The following MYO16 variants were observed in gnomAD, a reference collection of about 807,000 sequenced individuals.
MYO16 encodes unconventional myosin-XVI.
In MYO16, 94 loss-of-function variants were observed where a neutral mutation model predicts 205.3. The ratio of observed to expected loss-of-function variants is 0.46; its 90% CI spans 0.39 to 0.54. The LOEUF is 0.54. Ranked by LOEUF, MYO16 falls within the 20% of genes least tolerant of loss-of-function variation. MYO16 has a pLI of 0.00. For missense variants in MYO16, 2,315 were observed against 2,387.5 expected (o/e 0.97, Z 0.63); for synonymous variants, 988 against 954.0 (o/e 1.04, Z -0.66).
chr13:108,798,720 A>C (rs1886874678), intron 6 of MYO16, among the ~76,000 whole-genome samples: 1 of 52,452 alleles, frequency 1.9e-5, no homozygotes, highest in Non-Finnish European at 3.3e-5. Flanking sequence ...TTTTTTTGAG[A>C]TGGAGTCTCG....
chr13:109,180,122 T>C (rs1044964227), intron 34 of MYO16, among the ~76,000 whole-genome samples: 2 of 152,148 alleles, frequency 1.3e-5, no homozygotes, highest in Non-Finnish European at 2.9e-5. Context: ...GATGAGAACA[T>C]GGTAAAATCA....
intron 16 of MYO16, among the ~76,000 whole-genome samples, chr13:108,923,141 G>C (rs1881821479): frequency 6.6e-6 from 1 of 152,176 alleles, no homozygotes; most frequent in Non-Finnish European, 1.5e-5. Context: ...AAAAGGACAG[G>C]AGCACCTAGA....
chr13:108,986,622 CAAAAAAAAAA>C (rs11350100), intron 20 of MYO16, among the ~76,000 whole-genome samples: 70 of 69,532 alleles, frequency 1.0e-3, no homozygotes, highest in Non-Finnish European at 8.0e-4. Context: ...AACTCCGTCT[CAAAAAAAAAA>C]AAAAAAAAAA....
chr13:108,987,363 A>G (rs1342450514), intron 20 of MYO16, among the ~76,000 whole-genome samples: 2 of 152,208 alleles, frequency 1.3e-5, no homozygotes, highest in Non-Finnish European at 2.9e-5. Flanking sequence ...AAAGTATGCA[A>G]TCCTAGAGTC....
At chr13:109,003,164 A>C (rs1885272646) in intron 21 of MYO16, among the ~76,000 whole-genome samples, 1 of 152,196 alleles carries the variant, frequency 6.6e-6, no homozygotes, top group Non-Finnish European at 1.5e-5. Context: ...ACCACTCCAC[A>C]TCACTCTCCA....
At chr13:108,664,045 T>G (rs1254621250) in intron 1 of MYO16, among the ~76,000 whole-genome samples, 2 of 152,206 alleles carry the variant, frequency 1.3e-5, no homozygotes, top group Non-Finnish European at 2.9e-5. Flanking sequence ...ATCAAATAAG[T>G]GTACTCCAGA....
chr13:108,700,421 T>C (rs1049466742), intron 2 of MYO16, among the ~76,000 whole-genome samples: 11 of 151,924 alleles, frequency 7.2e-5, no homozygotes, highest in African/African-American at 2.2e-4. Flanking sequence ...CAGTGTTTTG[T>C]GGTCCTTTGA....
intron 17 of MYO16, among the ~76,000 whole-genome samples, chr13:108,961,178 G>A (rs779151258): frequency 6.6e-6 from 1 of 152,148 alleles, no homozygotes; most frequent in Admixed American, 6.5e-5. Flanking sequence ...AGGAGGGGGA[G>A]TGAAGTCTAA....
chr13:109,161,877 T>C (rs973491071), intron 32 of MYO16, among the ~76,000 whole-genome samples: 44 of 152,094 alleles, frequency 2.9e-4, no homozygotes, highest in Admixed American at 6.5e-5. Context: ...GGCAGATCAC[T>C]TGAAGTTTGA....
chr13:108,940,171 A>G (rs901734597), intron 16 of MYO16, among the ~76,000 whole-genome samples: 13 of 152,216 alleles, frequency 8.5e-5, no homozygotes, highest in African/African-American at 2.9e-4. Context: ...AGAACAGCAG[A>G]GAACACTTAG....
In MYO16 at chr13:109,127,685, A is replaced by C; in HGVS notation, c.4051+135A>C. 1 of 847,212 alleles carries C rather than the reference A, an allele frequency of 1.2e-6. No homozygotes were observed. The highest frequency in any genetic ancestry group is 2.7e-5 in the East Asian group (1 of 37,138). 52.5% of individuals were successfully genotyped at this position (847,212 alleles called of 1,614,324 possible). A position where few individuals can be genotyped will look rare whatever the true frequency, so the allele number is the denominator to read the frequency against. ...TAAATCCAATTGTTGGCTTGCCAGC[A>C]GCTCTTAATCATTAAATATAAATAA... On this transcript the variant is annotated intron_variant, in intron 31 of 34. Transcript: ENST00000457511. This position sits in a 1 kb window ranked among gnomAD's most constrained non-coding sequence, Gnocchi z 4.2.
intron 2 of MYO16, among the ~76,000 whole-genome samples, chr13:108,671,643 A>G (rs561317393): frequency 6.6e-6 from 1 of 152,328 alleles, no homozygotes; most frequent in African/African-American, 2.4e-5. Context: ...ATTTGGCTCT[A>G]GAGGGTGTCT....
intron 4 of MYO16, among the ~76,000 whole-genome samples, chr13:108,752,221 T>C (rs1210039195): frequency 1.3e-5 from 2 of 152,294 alleles, no homozygotes; most frequent in African/African-American, 4.8e-5. Context: ...TAATTTTATG[T>C]TTCAGGAGAC....
intron 16 of MYO16, among the ~76,000 whole-genome samples, chr13:108,917,901 A>AT (rs1172050531): frequency 6.6e-6 from 1 of 152,176 alleles, no homozygotes; most frequent in Non-Finnish European, 1.5e-5. Context: ...CTTCTCATAG[A>AT]TTTTCTCTTT....
At chr13:108,857,465 G>A (rs1262291093) in intron 11 of MYO16, among the ~76,000 whole-genome samples, 2 of 152,190 alleles carry the variant, frequency 1.3e-5, no homozygotes, top group Non-Finnish European at 2.9e-5. Flanking sequence ...ATGCAGAAGA[G>A]GAGGGTGTTG....
chr13:108,876,319 C>G (rs572682292), intron 12 of MYO16, among the ~76,000 whole-genome samples: 407 of 151,578 alleles, frequency 2.7e-3, no homozygotes, highest in Non-Finnish European at 4.3e-3. Flanking sequence ...TTTTTTTTCA[C>G]ATGTACTTTT....
At position 108,806,893 on chromosome 13, in the gene MYO16, G is replaced by T. The variant is rs867501701; in HGVS notation, c.867+89G>T. 236 of 982,762 alleles carry T rather than the reference G, an allele frequency of 2.4e-4. 3 individuals carry two copies. The highest frequency in any genetic ancestry group is 1.9e-3 in the Middle Eastern group (5 of 2,598). The allele number at this position is 982,762 out of a possible 1,614,324, so 60.9% of individuals were successfully genotyped here. A position where few individuals can be genotyped will look rare whatever the true frequency, so the allele number is the denominator to read the frequency against. Reference sequence around the variant, plus strand: ...CAATTTTGATTTGATTTTAAATTACGTACTAATCATTATTGTAATTTGACT... The same window carrying T: ...CAATTTTGATTTGATTTTAAATTACTTACTAATCATTATTGTAATTTGACT... On this transcript the variant is annotated intron_variant, in intron 7 of 34. Coordinates refer to ENST00000457511, the MANE Select transcript of MYO16 (RefSeq NM_001198950.3).
the MYO16 span, among the ~76,000 whole-genome samples, chr13:108,510,425 A>ATTT: frequency 2.0e-4 from 19 of 97,060 alleles, no homozygotes; most frequent in African/African-American, 6.8e-4. Flanking sequence ...TAGATAGTTA[A>ATTT]TTTTTTTTTT....
intron 34 of MYO16, among the ~76,000 whole-genome samples, chr13:109,200,667 C>T (rs1158458912): frequency 1.3e-5 from 2 of 151,184 alleles, no homozygotes; most frequent in African/African-American, 4.9e-5. Context: ...GAAGCAATGA[C>T]TCAGGGGATC....
Sources: allele counts gnomAD v4.1 joint callset (sites outside exome capture counted in the v4.1 genomes callset), GRCh38; gene constraint gnomAD v4.1.1; non-coding constraint Gnocchi (gnomAD v3.1); transcripts MANE v1.5; gene names NCBI Gene and HGNC (gene_info 2026-07-23, HGNC 2026-07-21).